TXNL1: variants seen among roughly 807,000 people sequenced by gnomAD.
TXNL1 encodes thioredoxin-like protein 1.
Under a neutral mutation model 35.5 loss-of-function variants are expected in TXNL1, and 14 were observed. The observed-to-expected ratio is 0.39, with a 90% CI of 0.26 to 0.62. The LOEUF (loss-of-function observed/expected upper bound fraction) is 0.62. Among genes scored for constraint, TXNL1 ranks in the 20% least tolerant of loss-of-function variants. TXNL1 has a pLI of 0.47. For synonymous variants in TXNL1, 110 were observed against 115.5 expected, an observed-to-expected ratio of 0.95 and a Z score of 0.31; for missense variants, 263 against 349.7, an observed-to-expected ratio of 0.75 and a Z score of 1.98.
chr18:56,624,818 TA>T (rs1169852407), intron 2 of TXNL1, among the ~76,000 whole-genome samples: 1 of 152,154 alleles, frequency 6.6e-6, no homozygotes, highest in African/African-American at 2.4e-5. Flanking sequence ...AGGGTATTGA[TA>T]AAGTCAACAC....
intron 7 of TXNL1, among the ~76,000 whole-genome samples, chr18:56,606,164 C>T (rs1226923249): frequency 6.6e-6 from 1 of 152,174 alleles, no homozygotes; most frequent in African/African-American, 2.4e-5. Context: ...TCAACGAGGT[C>T]AGGAGATCGA....
chr18:56,632,575 T>C (rs761757938), intron 1 of TXNL1, among the ~76,000 whole-genome samples: 5 of 152,218 alleles, frequency 3.3e-5, no homozygotes, highest in Non-Finnish European at 5.9e-5. Context: ...GTGCCTTTCA[T>C]TGTTATTTCC....
At chr18:56,638,136 C>T (rs2024486519) in intron 1 of TXNL1, among the ~76,000 whole-genome samples, 1 of 152,180 alleles carries the variant, frequency 6.6e-6, no homozygotes, top group Non-Finnish European at 1.5e-5. Flanking sequence ...AGCCGGCCAG[C>T]CAGGCCCCCG....
In TXNL1 at chr18:56,598,818, A is replaced by G. The variant is rs1175533355; in HGVS notation, c.*4209T>C. On this transcript the variant is annotated 3_prime_UTR_variant, in exon 8 of 8. Coordinates refer to ENST00000217515, the MANE Select transcript of TXNL1 (RefSeq NM_004786.3). ...TGTTCCTATTTTTACACAAGAAGAA[A>G]TTTGAGCTCTGAAGGATGTTACTTG... The G allele has an allele frequency of 6.6e-6, 1 of 152,334 alleles. No individual in the cohort carries two copies. Among genetic ancestry groups the G allele is most frequent in the Middle Eastern group, 3.4e-3 (1 of 296 alleles). 9.4% of individuals were successfully genotyped at this position (152,334 alleles called of 1,614,324 possible). A position where few individuals can be genotyped will look rare whatever the true frequency, so the allele number is the denominator to read the frequency against.
Position 56,600,383 on chromosome 18 carries a change from G to C in TXNL1, c.*2644C>G, listed in dbSNP as rs1405126323. The C allele has an allele frequency of 2.0e-5, 3 of 148,332 alleles. No homozygotes were observed. Among genetic ancestry groups the C allele is most frequent in the African/African-American group, 7.4e-5 (3 of 40,434 alleles). 9.2% of individuals were successfully genotyped at this position (148,332 alleles called of 1,614,324 possible). A position where few individuals can be genotyped will look rare whatever the true frequency, so the allele number is the denominator to read the frequency against. On this transcript the variant is annotated 3_prime_UTR_variant, in exon 8 of 8. Coordinates refer to ENST00000217515, the MANE Select transcript of TXNL1 (RefSeq NM_004786.3). ...GTGGCTGCCTCCAACAGAATATTGAGACTGGGGAACAAAGTGGGGCAGGTT... is the reference window on the plus strand; with the variant it reads ...GTGGCTGCCTCCAACAGAATATTGACACTGGGGAACAAAGTGGGGCAGGTT...
Position 56,614,508 on chromosome 18 carries a change from A to G in TXNL1, c.651T>C (p.Ala217=). The change falls in exon 6 of 8, where the codon GCT becomes GCC. Residue 217 remains alanine, a synonymous_variant. Transcript: ENST00000217515. The stretch of plus-strand genomic sequence containing the variant: ...TAATATCATCCTCTGTCAGTTCCAG[A>G]GCTTGAGTTGGTTCACTTCTTTCTG... ...EEAERSEPTQ[A]LELTEDDIKE... 6.2e-7 allele frequency: 1 copy of G among 1,614,018 alleles called. No homozygotes were observed. Among genetic ancestry groups the G allele is most frequent in the Non-Finnish European group, 8.5e-7 (1 of 1,179,966 alleles).
At chr18:56,606,879 G>A (rs1048656297) in intron 7 of TXNL1, among the ~76,000 whole-genome samples, 1 of 152,196 alleles carries the variant, frequency 6.6e-6, no homozygotes, top group Non-Finnish European at 1.5e-5. Flanking sequence ...AAGATATTTT[G>A]AGACAGTGAG....
At chr18:56,610,008 A>T (rs565909400) in intron 7 of TXNL1, 14 of 132,962 alleles carry the variant, frequency 1.1e-4, no homozygotes, top group African/African-American at 4.0e-4. Context: ...ATTTTTCTAT[A>T]ATTGAATTAA....
chr18:56,616,229 G>C lies in TXNL1; in HGVS notation c.562+16C>G. On this transcript the variant is annotated intron_variant, in intron 5 of 7. Transcript: ENST00000217515. ...AAAGCAGAAGTTAGTTTAAAGAAAA[G>C]CTATCCTTTACTCACCATTATCTGG... 6.2e-7 allele frequency: 1 copy of C among 1,608,626 alleles called. No individual in the cohort carries two copies. Among genetic ancestry groups the C allele is most frequent in the Non-Finnish European group, 8.5e-7 (1 of 1,176,712 alleles).
At chr18:56,629,175 T>C (rs1598923216) in intron 1 of TXNL1, among the ~76,000 whole-genome samples, 1 of 152,328 alleles carries the variant, frequency 6.6e-6, no homozygotes, top group East Asian at 1.9e-4. Flanking sequence ...TGTAACATGT[T>C]TGTAATAGTA....
intron 1 of TXNL1, among the ~76,000 whole-genome samples, chr18:56,637,074 T>C (rs2024467180): frequency 6.6e-6 from 1 of 152,232 alleles, no homozygotes; most frequent in Non-Finnish European, 1.5e-5. Context: ...ATATGGGTAC[T>C]CTAGCCCACC....
At chr18:56,613,993 T>C (rs1256474896) in intron 6 of TXNL1, among the ~76,000 whole-genome samples, 2 of 151,566 alleles carry the variant, frequency 1.3e-5, no homozygotes, top group Non-Finnish European at 2.9e-5. Flanking sequence ...ACAGCGAGAC[T>C]CCATCTCAAA....
intron 1 of TXNL1, among the ~76,000 whole-genome samples, chr18:56,629,127 C>G (rs1381535213): frequency 6.6e-6 from 1 of 152,200 alleles, no homozygotes; most frequent in Non-Finnish European, 1.5e-5. Flanking sequence ...ACAACACTTA[C>G]TCTATTTCAC....
chr18:56,626,105 AGGT>A (rs2024273779), intron 2 of TXNL1: 2 of 946,730 alleles, frequency 2.1e-6, no homozygotes, highest in Non-Finnish European at 2.7e-6. Flanking sequence ...CAGAACTGCT[AGGT>A]GACCTATTAA....
chr18:56,616,899 T>C (rs80091438), intron 4 of TXNL1, among the ~76,000 whole-genome samples: 13,401 of 152,210 alleles, frequency 0.088, 1,387 homozygotes, highest in African/African-American at 0.25. Context: ...GTCAGAATGT[T>C]TCTCTCTCCG....
chr18:56,619,454 C>T (rs1203329096), intron 3 of TXNL1, among the ~76,000 whole-genome samples: 1 of 144,266 alleles, frequency 6.9e-6, no homozygotes, highest in Non-Finnish European at 1.5e-5. Context: ...AGGAGAACTT[C>T]TTGAACCTGG....
intron 7 of TXNL1, among the ~76,000 whole-genome samples, chr18:56,607,653 T>G (rs910495369): frequency 1.3e-5 from 2 of 151,990 alleles, no homozygotes; most frequent in African/African-American, 4.8e-5. Flanking sequence ...GTCAGGAGTT[T>G]GAGACCAGCC....
Position 56,626,389 on chromosome 18 carries a change from A to T in TXNL1, c.167T>A (p.Phe56Tyr). 6.2e-7 allele frequency: 1 copy of T among 1,613,896 alleles called. No individual in the cohort carries two copies. Among genetic ancestry groups the T allele is most frequent in the Non-Finnish European group, 8.5e-7 (1 of 1,179,912 alleles). ...ACACTGATGTACATCGACTTCCAAGAAAACAGCCTGTGGATATTTATTACT... is the reference window on the plus strand; with the variant it reads ...ACACTGATGTACATCGACTTCCAAGTAAACAGCCTGTGGATATTTATTACT... ...SMSNKYPQAVFLEVDVHQCQG... is the reference protein window; with the variant it reads ...SMSNKYPQAVYLEVDVHQCQG... The change falls in exon 2 of 8, where the codon TTC becomes TAC. Residue 56 changes from phenylalanine to tyrosine, a missense_variant. Transcript: ENST00000217515.
chr18:56,608,696 G>T (rs191118044), intron 7 of TXNL1: 1 of 152,336 alleles, frequency 6.6e-6, no homozygotes, highest in African/African-American at 2.4e-5. Flanking sequence ...AAAGCTGACT[G>T]AATGCAGAAG....
Sources: allele counts gnomAD v4.1 joint callset (sites outside exome capture counted in the v4.1 genomes callset), GRCh38; gene constraint gnomAD v4.1.1; transcripts MANE v1.5; gene names NCBI Gene and HGNC (gene_info 2026-07-23, HGNC 2026-07-21).